The following BAIAP2 variants were observed in gnomAD, a reference collection of about 807,000 sequenced individuals.
BAIAP2 encodes BAR/IMD domain containing adaptor protein 2.
In BAIAP2, 18 loss-of-function variants were observed where a neutral mutation model predicts 63.0. The ratio of observed to expected loss-of-function variants is 0.29; its 90% CI spans 0.20 to 0.42. BAIAP2 has a LOEUF of 0.42. BAIAP2 is among the 10% of genes least tolerant of loss of function. The probability of loss-of-function intolerance (pLI) is 1.00; values close to 1 mark genes in which losing one functional copy is unlikely to be tolerated. For missense variants in BAIAP2, 610 were observed against 734.3 expected, an observed-to-expected ratio of 0.83 and a Z score of 1.96; for synonymous variants, 386 against 307.6, an observed-to-expected ratio of 1.25 and a Z score of -2.67.
At chr17:81,094,592 G>A (rs1384677157) in intron 6 of BAIAP2, among the ~76,000 whole-genome samples, 3 of 152,196 alleles carry the variant, frequency 2.0e-5, no homozygotes, top group Admixed American at 6.5e-5. Flanking sequence ...GTCTTGCTCA[G>A]AGCACGTGTG....
intron 1 of BAIAP2, among the ~76,000 whole-genome samples, chr17:81,036,711 G>A (rs763924831): frequency 1.3e-5 from 2 of 152,236 alleles, no homozygotes; most frequent in Non-Finnish European, 2.9e-5. Context: ...GCTTGGGAAA[G>A]GCACAGGCCC....
At chr17:81,054,504 G>A (rs952945262) in intron 2 of BAIAP2, among the ~76,000 whole-genome samples, 1 of 152,188 alleles carries the variant, frequency 6.6e-6, no homozygotes, top group Non-Finnish European at 1.5e-5. Flanking sequence ...CACTGTGGCA[G>A]CACGCCCCTG....
intron 2 of BAIAP2, among the ~76,000 whole-genome samples, chr17:81,056,208 C>T (rs1380899861): frequency 6.6e-6 from 1 of 152,204 alleles, no homozygotes; most frequent in Non-Finnish European, 1.5e-5. Flanking sequence ...GATCTCTAGG[C>T]ACAGCACACG....
intron 11 of BAIAP2, 35 bp from the exon 12 acceptor site, chr17:81,106,710 C>T (rs1458889240): frequency 3.7e-6 from 6 of 1,611,348 alleles, no homozygotes; most frequent in African/African-American, 1.3e-5. Flanking sequence ...GGGCATCCGG[C>T]CTGCTGGGCC....
At chr17:81,089,104 C>T (rs1452307684) in intron 6 of BAIAP2, among the ~76,000 whole-genome samples, 1 of 152,278 alleles carries the variant, frequency 6.6e-6, no homozygotes, top group Admixed American at 6.5e-5. Flanking sequence ...ACTCCCGAGG[C>T]TGTGTGTGCA....
chr17:81,079,674 C>T (rs954175581), intron 3 of BAIAP2, among the ~76,000 whole-genome samples: 2 of 152,234 alleles, frequency 1.3e-5, no homozygotes, highest in African/African-American at 4.8e-5. Flanking sequence ...TCACCCCCAA[C>T]ACCCCAGATC....
intron 3 of BAIAP2, among the ~76,000 whole-genome samples, chr17:81,065,093 T>G (rs567206801): frequency 6.6e-6 from 1 of 152,306 alleles, no homozygotes; most frequent in East Asian, 1.9e-4. Context: ...GTTAGACTTT[T>G]CCCAGGGGCG....
intron 3 of BAIAP2, among the ~76,000 whole-genome samples, chr17:81,061,636 G>A (rs760023395): frequency 6.6e-6 from 1 of 152,332 alleles, no homozygotes. Flanking sequence ...GGGTCCTGTT[G>A]TGCGGAGGTG....
intron 1 of BAIAP2, 111 bp from the exon 2 acceptor site, chr17:81,053,557 C>G (rs1045038297): frequency 8.9e-6 from 10 of 1,120,986 alleles, no homozygotes; most frequent in Non-Finnish European, 1.2e-5. Flanking sequence ...TTTGTGGTGT[C>G]GACCCCCAGG....
chr17:81,045,529 A>C (rs943617969), intron 1 of BAIAP2, among the ~76,000 whole-genome samples: 2 of 152,120 alleles, frequency 1.3e-5, no homozygotes, highest in Non-Finnish European at 2.9e-5. Context: ...GCGGGAGGCC[A>C]CCTGCTCCTG....
intron 1 of BAIAP2, among the ~76,000 whole-genome samples, chr17:81,043,373 C>T (rs560235020): frequency 3.0e-4 from 45 of 152,352 alleles, no homozygotes; most frequent in Non-Finnish European, 5.6e-4. Flanking sequence ...GGAGCATCAG[C>T]CTCCACCTGT....
intron 3 of BAIAP2, among the ~76,000 whole-genome samples, chr17:81,077,101 C>T (rs555031246): frequency 2.0e-5 from 3 of 152,096 alleles, no homozygotes; most frequent in East Asian, 1.9e-4. Flanking sequence ...GGGAATAGGC[C>T]GCTCCACAGA....
In BAIAP2 at chr17:81,097,992, G is replaced by A. The variant is rs1381281160; in HGVS notation, c.490-1936G>A. On this transcript the variant is annotated intron_variant, in intron 6 of 13. Transcript: ENST00000428708. ...ACTGTCGGGCTGGGGTTCTGGAATC[G>A]GGAACCCCGGGTGCCGGGTGTCAGC... The A allele has an allele frequency of 3.1e-5, 23 of 734,590 alleles. No individual in the cohort carries two copies. In the South Asian group the frequency reaches 6.9e-4, roughly 22 times the overall value. The allele number at this position is 734,590 out of a possible 1,614,324, so 45.5% of individuals were successfully genotyped here.
At chr17:81,106,677 G>A in intron 11 of BAIAP2, 68 bp from the exon 12 acceptor site, 1 of 1,583,402 alleles carries the variant, frequency 6.3e-7, no homozygotes, top group Non-Finnish European at 8.6e-7. Context: ...AGTCCAGGGA[G>A]CCACAGGGTT....
intron 6 of BAIAP2, among the ~76,000 whole-genome samples, chr17:81,096,628 A>G (rs1598759253): frequency 6.6e-6 from 1 of 151,948 alleles, no homozygotes; most frequent in African/African-American, 2.4e-5. Context: ...CTCGGAGCAC[A>G]CCCTCCCCAC....
chr17:81,059,164 C>A (rs1256377589), intron 3 of BAIAP2, among the ~76,000 whole-genome samples: 1 of 152,238 alleles, frequency 6.6e-6, no homozygotes, highest in Non-Finnish European at 1.5e-5. Flanking sequence ...CTTGGGCAGG[C>A]CCGCTGGCGT....
intron 1 of BAIAP2, 162 bp from the exon 2 acceptor site, chr17:81,053,506 G>A (rs968379128): frequency 4.2e-6 from 3 of 713,260 alleles, no homozygotes; most frequent in Non-Finnish European, 7.3e-6. Flanking sequence ...ATTGATCAGG[G>A]GCATGGCTGG....
intron 3 of BAIAP2, among the ~76,000 whole-genome samples, chr17:81,084,448 G>A (rs2055203301): frequency 6.6e-6 from 1 of 152,168 alleles, no homozygotes; most frequent in Non-Finnish European, 1.5e-5. Flanking sequence ...GCCTGAGGTA[G>A]GAGGTTCGGA....
intron 6 of BAIAP2, among the ~76,000 whole-genome samples, chr17:81,099,576 T>C (rs1279752605): frequency 2.6e-5 from 4 of 152,090 alleles, no homozygotes; most frequent in African/African-American, 9.7e-5. Flanking sequence ...TTCTGTGCCT[T>C]GGCCACAGGG....
Sources: allele counts gnomAD v4.1 joint callset (sites outside exome capture counted in the v4.1 genomes callset), GRCh38; gene constraint gnomAD v4.1.1; transcripts MANE v1.5; gene names NCBI Gene and HGNC (gene_info 2026-07-23, HGNC 2026-07-21).